HDLBP: variants seen among roughly 807,000 people sequenced by gnomAD.
HDLBP encodes the protein high density lipoprotein binding protein.
A neutral mutation model predicts 137.3 loss-of-function variants in HDLBP; 30 were observed. That is an observed-to-expected ratio of 0.22 (90% CI 0.16 to 0.30). The LOEUF is 0.30. HDLBP is among the 10% of genes least tolerant of loss of function. The pLI is 1.00. For synonymous variants in HDLBP, 606 were observed against 596.0 expected (o/e 1.02, Z -0.24); for missense variants, 1,119 against 1,667.3 (o/e 0.67, Z 5.73).
At chr2:241,251,338 C>T (rs78958126) in intron 11 of HDLBP, among the ~76,000 whole-genome samples, 5,078 of 152,252 alleles carry the variant, frequency 0.033, 528 homozygotes, top group Admixed American at 0.19. Context: ...TCAAGTAGTG[C>T]GCAAAAAGGT....
chr2:241,294,067 C>CA lies in HDLBP; in HGVS notation c.-103+21502dup, dbSNP rs2075097096. 3.9e-5 allele frequency among the ~76,000 whole-genome samples: 6 copies of CA among 152,252 alleles called. No homozygotes were observed. The South Asian group carries it at 1.0e-3, about 26-fold the overall frequency. ...ACACACACCCGAGATTACAATGATACAATATTATCTTTGCCTGGTTTTGAA... is the reference window on the plus strand; with the variant it reads ...ACACACACCCGAGATTACAATGATACAAATATTATCTTTGCCTGGTTTTGAA... On this transcript the variant is annotated intron_variant, in intron 1 of 27. Coordinates refer to ENST00000310931, the MANE Select transcript of HDLBP (RefSeq NM_005336.6).
intron 5 of HDLBP, among the ~76,000 whole-genome samples, chr2:241,260,655 T>C (rs1223892498): frequency 6.6e-6 from 1 of 152,228 alleles, no homozygotes; most frequent in East Asian, 1.9e-4. Flanking sequence ...CACAAAGCAC[T>C]GATAGGGAAC....
chr2:241,292,678 GAA>G (rs1232853148), intron 1 of HDLBP, among the ~76,000 whole-genome samples: 1 of 152,138 alleles, frequency 6.6e-6, no homozygotes, highest in Admixed American at 6.6e-5. Context: ...ATACTCAAAT[GAA>G]AAATATAAAA....
rs750691998 is a variant in HDLBP, at chr2:241,256,796, G to A, written c.461C>T (p.Thr154Ile). The change falls in exon 6 of 28, where the codon ACT (threonine) becomes ATT (isoleucine). Residue 154 changes from threonine to isoleucine, a missense_variant. Around this residue, in one of 4 missense-constraint regions of HDLBP, gnomAD observed 425 missense variants for 693.9 expected, o/e 0.61. Coordinates refer to ENST00000310931, the MANE Select transcript of HDLBP (RefSeq NM_005336.6). ...ATGGTGTTCTTTGGGAATGGCAACA[G>A]TTGCTGAGGCCTATAGCAAGAAGAG... ...VARLQTQASA[T>I]VAIPKEHHRF... 9.9e-6 allele frequency: 16 copies of A among 1,613,458 alleles called. No individual in the cohort carries two copies. Among genetic ancestry groups the A allele is most frequent in the Middle Eastern group, 1.7e-4 (1 of 6,058 alleles).
At chr2:241,297,912 G>A (rs1463583689) in intron 1 of HDLBP, among the ~76,000 whole-genome samples, 10 of 151,818 alleles carry the variant, frequency 6.6e-5, no homozygotes, top group Admixed American at 6.6e-4. Flanking sequence ...GCCGGGCGTG[G>A]TGGCACACAT....
chr2:241,250,079 ATC>A, intron 11 of HDLBP, 99 bp from the exon 12 acceptor site: 3 of 1,188,520 alleles, frequency 2.5e-6, no homozygotes, highest in Non-Finnish European at 3.5e-6. Flanking sequence ...AAATAACCTT[ATC>A]TGTGATTCCC....
At chr2:241,299,690 T>C (rs961670271) in intron 1 of HDLBP, among the ~76,000 whole-genome samples, 1 of 152,028 alleles carries the variant, frequency 6.6e-6, no homozygotes, top group African/African-American at 2.4e-5. Context: ...CCTAGGCAGG[T>C]GGATCACGAG....
intron 1 of HDLBP, among the ~76,000 whole-genome samples, chr2:241,296,389 C>A (rs2075183269): frequency 6.6e-6 from 1 of 152,162 alleles, no homozygotes; most frequent in Non-Finnish European, 1.5e-5. Context: ...AACAATCAAA[C>A]CCTGAAGCCC....
Position 241,272,689 on chromosome 2 carries a change from CCCCCGCCCGGCAGCCCGCCCG to C in HDLBP, c.-102-4169_-102-4149del. 5.2e-6 allele frequency: 4 copies of C among 766,818 alleles called. No individual in the cohort carries two copies. Among genetic ancestry groups the C allele is most frequent in the Non-Finnish European group, 6.3e-6 (4 of 635,342 alleles). The allele number at this position is 766,818 out of a possible 1,614,324, so 47.5% of individuals were successfully genotyped here. On this transcript the variant is annotated intron_variant, in intron 1 of 27. Transcript: ENST00000310931. This position sits in a 1 kb window ranked among gnomAD's most constrained non-coding sequence, Gnocchi z 5.6. ...TCCACGTCAGCAGCCACCCCCCACC[CCCCCGCCCGGCAGCCCGCCCG>C]CCCCGTCCGCCCGCCCGCCCAGGCC...
chr2:241,288,731 G>GCA (rs1268330358), intron 1 of HDLBP, among the ~76,000 whole-genome samples: 1 of 152,100 alleles, frequency 6.6e-6, no homozygotes, highest in Admixed American at 6.5e-5. Context: ...GGCAGCTCCT[G>GCA]CACACACACA....
At position 241,253,053 on chromosome 2, in the gene HDLBP, A is replaced by G. The variant is rs757564911; in HGVS notation, c.1294-18T>C. 4.4e-6 allele frequency: 7 copies of G among 1,579,068 alleles called. No homozygotes were observed. The highest frequency in any genetic ancestry group is 2.7e-5 in the African/African-American group (2 of 74,296). On this transcript the variant is annotated intron_variant, in intron 10 of 27. Coordinates refer to ENST00000310931, the MANE Select transcript of HDLBP (RefSeq NM_005336.6). ...CGGTTAATCTGCAGGAGGAGCACAGAGGTCCATGGATGCGCCTGGTTACTT... is the reference window on the plus strand; with the variant it reads ...CGGTTAATCTGCAGGAGGAGCACAGGGGTCCATGGATGCGCCTGGTTACTT...
In HDLBP at chr2:241,306,725, C is replaced by A. The variant is rs1039600140; in HGVS notation, c.-103+8845G>T. Among the ~76,000 whole-genome samples, 8 of 151,600 alleles carry A rather than the reference C, an allele frequency of 5.3e-5. No homozygotes were observed. The South Asian group carries it at 6.3e-4, about 12-fold the overall frequency. On this transcript the variant is annotated intron_variant, in intron 1 of 27. Coordinates refer to ENST00000310931, the MANE Select transcript of HDLBP (RefSeq NM_005336.6). The stretch of plus-strand genomic sequence containing the variant: ...GAATTCGAGACCAGCCTGGCCAACA[C>A]GGCAAAACCCTATCTCTACTATTGT...
At position 241,273,852 on chromosome 2, in the gene HDLBP, G is replaced by T. The variant is rs78066251; in HGVS notation, c.-102-5311C>A. 8.7e-4 allele frequency among the ~76,000 whole-genome samples: 121 copies of T among 139,216 alleles called. 1 individual carries two copies. Among genetic ancestry groups the T allele is most frequent in the Admixed American group, 2.9e-4 (4 of 13,814 alleles). The allele number at this position is 139,216 out of a possible 152,430, so 91.3% of individuals were successfully genotyped here. ...AGCAGCAGAAGGCAGGATCAGACGTGTTTTTTTTTTTTTCGTGGAACACTG... is the reference window on the plus strand; with the variant it reads ...AGCAGCAGAAGGCAGGATCAGACGTTTTTTTTTTTTTTTCGTGGAACACTG... On this transcript the variant is annotated intron_variant, in intron 1 of 27. Transcript: ENST00000310931.
chr2:241,280,970 A>G (rs1316956380), intron 1 of HDLBP, among the ~76,000 whole-genome samples: 1 of 152,250 alleles, frequency 6.6e-6, no homozygotes, highest in Non-Finnish European at 1.5e-5. Flanking sequence ...TACAGAAACA[A>G]TCAGCACATA....
intron 1 of HDLBP, among the ~76,000 whole-genome samples, chr2:241,309,601 G>C (rs541317504): frequency 6.6e-6 from 1 of 152,148 alleles, no homozygotes; most frequent in Admixed American, 6.5e-5. Context: ...AGAGTTGGCT[G>C]ATAGGTTTAA....
chr2:241,299,698 G>A (rs948393260), intron 1 of HDLBP, among the ~76,000 whole-genome samples: 3 of 151,870 alleles, frequency 2.0e-5, no homozygotes, highest in Admixed American at 6.6e-5. Flanking sequence ...GGTGGATCAC[G>A]AGGTCAGGAG....
rs1197055764 is a variant in HDLBP at position 241,229,986 on chromosome 2, G to A, written c.3592-25C>T. 5 of 1,582,550 alleles carry A rather than the reference G, an allele frequency of 3.2e-6. No homozygotes were observed. The South Asian group carries it at 3.5e-5, about 11-fold the overall frequency. ...GCTGCAGGCAGAAGACAGGAAGACA[G>A]GGTCAGTCTGCCCAGCACCCCCAGC... is the stretch of plus-strand genomic sequence containing the variant. On this transcript the variant is annotated intron_variant, in intron 26 of 27. Transcript: ENST00000310931.
At chr2:241,273,507 C>A in intron 1 of HDLBP, 1 of 795,046 alleles carries the variant, frequency 1.3e-6, no homozygotes, top group Non-Finnish European at 1.5e-6. Flanking sequence ...CTCTCGGGGT[C>A]TCCACCCTCC....
At chr2:241,229,784 G>T in intron 27 of HDLBP, 49 bp downstream of exon 27, 4 of 1,502,536 alleles carry the variant, frequency 2.7e-6, no homozygotes, top group Non-Finnish European at 2.7e-6. Context: ...AAGCCCGCCT[G>T]CCCGCCCACC....
Sources: allele counts gnomAD v4.1 joint callset (sites outside exome capture counted in the v4.1 genomes callset), GRCh38; gene constraint gnomAD v4.1.1; regional missense constraint gnomAD v4.1.1; non-coding constraint Gnocchi (gnomAD v3.1); transcripts MANE v1.5; gene names NCBI Gene and HGNC (gene_info 2026-07-23, HGNC 2026-07-21).